Variants in NWD2 observed in about 807,000 individuals in gnomAD.
The protein encoded by NWD2 is NACHT and WD repeat domain-containing protein 2.
A neutral mutation model predicts 132.7 loss-of-function variants in NWD2; 37 were observed. The observed-to-expected ratio is 0.28, with a 90% CI of 0.21 to 0.37. The LOEUF (loss-of-function observed/expected upper bound fraction) is 0.37. Among genes scored for constraint, NWD2 ranks in the 10% least tolerant of loss-of-function variants. The probability of loss-of-function intolerance (pLI) is 1.00; values close to 1 mark genes in which losing one functional copy is unlikely to be tolerated. For missense variants in NWD2, 1,592 were observed against 2,122.4 expected (o/e 0.75, Z 4.91); for synonymous variants, 705 against 803.0 (o/e 0.88, Z 2.06).
chr4:37,279,415 A>G (rs1718085483), intron 1 of NWD2, among the ~76,000 whole-genome samples: 1 of 152,180 alleles, frequency 6.6e-6, no homozygotes. Context: ...ATCTCCAGAA[A>G]TCATATGTAG....
At chr4:37,323,339 TAAATC>T (rs1577667916) in intron 1 of NWD2, among the ~76,000 whole-genome samples, 1 of 151,930 alleles carries the variant, frequency 6.6e-6, no homozygotes, top group Non-Finnish European at 1.5e-5. Context: ...ATAAGAAACT[TAAATC>T]AAGCAAAAAC....
chr4:37,265,598 C>T (rs1430353392), intron 1 of NWD2, among the ~76,000 whole-genome samples: 1 of 152,038 alleles, frequency 6.6e-6, no homozygotes, highest in Non-Finnish European at 1.5e-5. Context: ...TGGCCCCTTC[C>T]TCCATCTTCA....
chr4:37,316,254 T>G (rs1718954653), intron 1 of NWD2, among the ~76,000 whole-genome samples: 1 of 152,074 alleles, frequency 6.6e-6, no homozygotes, highest in Non-Finnish European at 1.5e-5. Context: ...TTGTTGAATA[T>G]AGAATTATTG....
chr4:37,336,952 G>GAAAAAAAA (rs11371327), intron 2 of NWD2, among the ~76,000 whole-genome samples: 4 of 119,000 alleles, frequency 3.4e-5, no homozygotes, highest in Admixed American at 9.2e-5. Context: ...CTCAAAAAAA[G>GAAAAAAAA]AAAAAAAAAA....
At chr4:37,294,223 A>C (rs752325508) in intron 1 of NWD2, among the ~76,000 whole-genome samples, 1 of 152,212 alleles carries the variant, frequency 6.6e-6, no homozygotes, top group Non-Finnish European at 1.5e-5. Context: ...TTGAAACAGT[A>C]CGTACACATC....
At chr4:37,322,927 T>A (rs187224388) in intron 1 of NWD2, among the ~76,000 whole-genome samples, 5 of 152,314 alleles carry the variant, frequency 3.3e-5, no homozygotes, top group Non-Finnish European at 7.4e-5. Flanking sequence ...ATTTCATGCA[T>A]TTATTCCATC....
At chr4:37,423,643 A>C (rs920590421) in intron 3 of NWD2, among the ~76,000 whole-genome samples, 1 of 152,192 alleles carries the variant, frequency 6.6e-6, no homozygotes, top group African/African-American at 2.4e-5. Flanking sequence ...AATGGATTGC[A>C]TGGTGCATAC....
intron 3 of NWD2, among the ~76,000 whole-genome samples, chr4:37,367,463 GA>G (rs1027539459): frequency 2.0e-5 from 3 of 151,726 alleles, no homozygotes; most frequent in Admixed American, 6.6e-5. Context: ...CAAGAGGATA[GA>G]AAAAAAAGGA....
At chr4:37,335,899 T>G (rs970151398) in intron 2 of NWD2, among the ~76,000 whole-genome samples, 2 of 149,962 alleles carry the variant, frequency 1.3e-5, no homozygotes, top group African/African-American at 4.9e-5. Context: ...TCGATTTCAA[T>G]TTATTGATTA....
In NWD2 at chr4:37,439,489, T is replaced by A. The variant is rs868114256; in HGVS notation, c.1296+99T>A. ...ATTTCTACTTTCTGAGTTTACTATG[T>A]GAATTATAGTTGGTCTTTTAGGAGT... On this transcript the variant is annotated intron_variant, in intron 6 of 6. Transcript: ENST00000309447. This position sits in a 1 kb window ranked among gnomAD's most constrained non-coding sequence, Gnocchi z 4.5. 2.3e-6 allele frequency: 2 copies of A among 861,910 alleles called. No individual in the cohort carries two copies. The highest frequency in any genetic ancestry group is 3.4e-5 in the African/African-American group (2 of 58,706). The allele number at this position is 861,910 out of a possible 1,614,324, so 53.4% of individuals were successfully genotyped here. A position where few individuals can be genotyped will look rare whatever the true frequency, so the allele number is the denominator to read the frequency against.
rs776716770 is a variant in NWD2, at chr4:37,325,979, T to C, written c.195T>C (p.Pro65=). 10 of 1,548,864 alleles carry C rather than the reference T, an allele frequency of 6.5e-6. 1 individual carries two copies. In the South Asian group the frequency reaches 1.2e-4, roughly 18 times the overall value. The change falls in exon 2 of 7, where the codon CCT becomes CCC. Residue 65 remains proline (P), a synonymous_variant. Transcript: ENST00000309447. Reference sequence around the variant, plus strand: ...AGGCGCTAAGAGAAAATGTATATCCTAAACTGAGAGAATTCTGCAGAGAAA... The same window carrying C: ...AGGCGCTAAGAGAAAATGTATATCCCAAACTGAGAGAATTCTGCAGAGAAA... ...ERQALRENVY[P]KLREFCRENY...
chr4:37,247,311 T>C (rs1717263906), intron 1 of NWD2, among the ~76,000 whole-genome samples: 1 of 152,194 alleles, frequency 6.6e-6, no homozygotes, highest in African/African-American at 2.4e-5. Context: ...ATGGATGCAA[T>C]TTAGAAAGCA....
chr4:37,334,135 A>G (rs1440370892), intron 2 of NWD2, among the ~76,000 whole-genome samples: 2 of 152,220 alleles, frequency 1.3e-5, no homozygotes, highest in Admixed American at 6.5e-5. Context: ...TAGAAAGTGT[A>G]TTCAAAGGGA....
chr4:37,302,585 C>T (rs1185180588), intron 1 of NWD2, among the ~76,000 whole-genome samples: 3 of 151,986 alleles, frequency 2.0e-5, no homozygotes, highest in African/African-American at 7.2e-5. Context: ...AAACAATGTA[C>T]AAGAGTTCTT....
intron 1 of NWD2, among the ~76,000 whole-genome samples, chr4:37,278,362 CCACGAAACATG>C (rs1204745934): frequency 6.6e-6 from 1 of 152,090 alleles, no homozygotes; most frequent in Non-Finnish European, 1.5e-5. Context: ...ATTATTATGT[CCACGAAACATG>C]TCACTGGGAA....
At chr4:37,400,696 A>G (rs112139001) in intron 3 of NWD2, among the ~76,000 whole-genome samples, 4 of 152,224 alleles carry the variant, frequency 2.6e-5, no homozygotes, top group African/African-American at 9.7e-5. Context: ...ATTACAAACA[A>G]AATGGAAAGT....
chr4:37,326,202 T>C (rs937991013), intron 2 of NWD2, among the ~76,000 whole-genome samples, 178 bp downstream of exon 2: 6 of 152,218 alleles, frequency 3.9e-5, no homozygotes, highest in South Asian at 2.1e-4. Context: ...TCATTTTTTA[T>C]GTTTAGTTCT....
chr4:37,250,159 T>TGCACACAC (rs374301414), intron 1 of NWD2, among the ~76,000 whole-genome samples: 1 of 148,998 alleles, frequency 6.7e-6, no homozygotes, highest in African/African-American at 2.5e-5. Context: ...TGTGTGTGTA[T>TGCACACAC]ACACACACAC....
At chr4:37,372,615 A>G (rs1162055743) in intron 3 of NWD2, among the ~76,000 whole-genome samples, 1 of 152,232 alleles carries the variant, frequency 6.6e-6, no homozygotes. Flanking sequence ...CTAGTAACTC[A>G]ACGTTTTAAT....
Sources: gnomAD v4.1 joint callset for allele counts (sites outside exome capture counted in the v4.1 genomes callset) on GRCh38, gnomAD v4.1.1 for gene constraint, Gnocchi (gnomAD v3.1) non-coding constraint, MANE v1.5 for transcripts, NCBI Gene and HGNC (gene_info 2026-07-23, HGNC 2026-07-21) for gene names.